Variants in KLRG1 observed in about 807,000 individuals in gnomAD.
KLRG1 encodes the protein killer cell lectin like receptor G1.
A neutral mutation model predicts 21.8 loss-of-function variants in KLRG1; 16 were observed. The ratio of observed to expected loss-of-function variants is 0.73; its 90% confidence interval spans 0.50 to 1.11. The LOEUF is 1.11. Ranked by LOEUF, KLRG1 falls within the 50% of genes most tolerant of loss-of-function variation. The pLI is 0.00. For synonymous variants in KLRG1, 69 were observed against 75.9 expected (o/e 0.91, Z 0.47); for missense variants, 173 against 218.3 (o/e 0.79, Z 1.31).
chr12:9,118,263 T>G, the KLRG1 span, among the ~76,000 whole-genome samples: 1 of 152,100 alleles, frequency 6.6e-6, no homozygotes, highest in Non-Finnish European at 1.5e-5. Flanking sequence ...CCTAGTTGAC[T>G]TCTATGTTTT....
intron 1 of KLRG1, among the ~76,000 whole-genome samples, chr12:8,976,431 T>C (rs1229271935): frequency 6.6e-6 from 1 of 152,226 alleles, no homozygotes; most frequent in Non-Finnish European, 1.5e-5. Context: ...AAGAATATTT[T>C]TCTGTTGTTG....
downstream of KLRG1, among the ~76,000 whole-genome samples, chr12:9,011,797 A>T (rs1328989243): frequency 6.6e-6 from 1 of 152,144 alleles, no homozygotes; most frequent in Non-Finnish European, 1.5e-5. Context: ...GTGTGGAGAG[A>T]GAGTCTGTGC....
At chr12:8,965,675 A>G (rs1264021675) in intron 1 of KLRG1, among the ~76,000 whole-genome samples, 11 of 150,072 alleles carry the variant, frequency 7.3e-5, no homozygotes, top group African/African-American at 1.5e-4. Flanking sequence ...CCACTGCTCA[A>G]TGAAATAAAA....
the KLRG1 span, among the ~76,000 whole-genome samples, chr12:9,141,718 T>C: frequency 1.3e-5 from 2 of 152,236 alleles, no homozygotes; most frequent in Non-Finnish European, 2.9e-5. Flanking sequence ...AAAGTATATG[T>C]AAACTGTTTT....
chr12:8,992,869 T>A (rs1183729918), intron 2 of KLRG1, among the ~76,000 whole-genome samples: 1 of 152,100 alleles, frequency 6.6e-6, no homozygotes, highest in African/African-American at 2.4e-5. Context: ...AGTCAAGTCC[T>A]CTTAAAATTT....
At chr12:9,044,625 C>T in the KLRG1 span, among the ~76,000 whole-genome samples, 9 of 151,990 alleles carry the variant, frequency 5.9e-5, 1 homozygote, top group African/African-American at 2.2e-4. Context: ...CGAGATCACC[C>T]TATTGCACTC....
intron 2 of KLRG1, 60 bp downstream of exon 2, chr12:8,992,370 A>G (rs1190092745): frequency 8.2e-7 from 1 of 1,213,426 alleles, no homozygotes; most frequent in Non-Finnish European, 1.2e-6. Flanking sequence ...GCAATATAAC[A>G]TAGCAGAAGC....
chr12:9,202,438 A>G, the KLRG1 span: 1 of 1,612,584 alleles, frequency 6.2e-7, no homozygotes, highest in Non-Finnish European at 8.5e-7. Context: ...ATAAGACAGG[A>G]GGCTACGGGG....
chr12:9,153,120 C>T, the KLRG1 span: 109 of 1,613,630 alleles, frequency 6.8e-5, no homozygotes, highest in Non-Finnish European at 8.6e-5. Context: ...AGCTTGGAGC[C>T]CTACCTGAAG....
chr12:8,979,042 T>C (rs376837564), intron 1 of KLRG1, among the ~76,000 whole-genome samples: 166 of 147,006 alleles, frequency 1.1e-3, no homozygotes, highest in African/African-American at 3.5e-3. Context: ...TTTAGACATA[T>C]CTTGCTCTGT....
the KLRG1 span, among the ~76,000 whole-genome samples, chr12:9,125,556 C>T: frequency 6.6e-5 from 10 of 152,132 alleles, no homozygotes; most frequent in South Asian, 2.1e-4. Flanking sequence ...TTTCAATTGA[C>T]GAAAAATTAT....
chr12:8,995,142 A>G lies in KLRG1; in HGVS notation c.211A>G (p.Ser71Gly), dbSNP rs779651082. The G allele has an allele frequency of 2.5e-6, 4 of 1,608,638 alleles. No homozygotes were observed. Among genetic ancestry groups the G allele is most frequent in the South Asian group, 1.1e-5 (1 of 89,934 alleles). The stretch of plus-strand genomic sequence containing the variant: ...AGGCTCCAACTACTCCACTTGTGCC[A>G]GCTGTCCTAGCTGCCCAGACCGCTG... ...CQGSNYSTCA[S>G]CPSCPDRWMK... The change falls in exon 3 of 5, where the codon AGC becomes GGC. Residue 71 changes from serine to glycine, a missense_variant. Coordinates refer to ENST00000356986, the MANE Select transcript of KLRG1 (RefSeq NM_005810.4).
chr12:9,165,911 A>G, the KLRG1 span: 1 of 1,031,348 alleles, frequency 9.7e-7, no homozygotes, highest in Non-Finnish European at 1.4e-6. Flanking sequence ...GCAATTGCGC[A>G]TTTTACTTAG....
At chr12:9,166,295 C>T in the KLRG1 span, 1 of 1,212,356 alleles carries the variant, frequency 8.2e-7, no homozygotes, top group Non-Finnish European at 1.2e-6. Flanking sequence ...TTTCAGTTTT[C>T]CTGCTCAGAC....
At chr12:9,062,437 T>C in the KLRG1 span, among the ~76,000 whole-genome samples, 2 of 139,138 alleles carry the variant, frequency 1.4e-5, no homozygotes, top group Non-Finnish European at 3.1e-5. Context: ...ATATATTGTA[T>C]AAAAAATCAC....
chr12:9,202,243 T>G, the KLRG1 span: 1 of 1,320,934 alleles, frequency 7.6e-7, no homozygotes, highest in East Asian at 2.3e-5. Flanking sequence ...CTCGCTTTTC[T>G]TGTACCTTTC....
chr12:9,206,189 A>G, the KLRG1 span, among the ~76,000 whole-genome samples: 2 of 151,910 alleles, frequency 1.3e-5, no homozygotes, highest in South Asian at 4.2e-4. Flanking sequence ...AAAATGTATC[A>G]TTTTTTACAT....
intron 1 of KLRG1, among the ~76,000 whole-genome samples, chr12:8,961,697 T>C (rs1289112411): frequency 6.6e-6 from 1 of 151,794 alleles, no homozygotes; most frequent in Non-Finnish European, 1.5e-5. Context: ...GGATTACAGG[T>C]GTGAGCTACT....
At chr12:9,074,896 G>A in the KLRG1 span, 1 of 1,092,300 alleles carries the variant, frequency 9.2e-7, no homozygotes, top group African/African-American at 1.6e-5. Context: ...ATAATCCCCT[G>A]TACTGTATGT....
Sources: gnomAD v4.1 joint callset for allele counts (sites outside exome capture counted in the v4.1 genomes callset) on GRCh38, gnomAD v4.1.1 for gene constraint, MANE v1.5 for transcripts, NCBI Gene and HGNC (gene_info 2026-07-23, HGNC 2026-07-21) for gene names.